The following FAT1 variants were observed in gnomAD, a reference collection of about 807,000 sequenced individuals.
The protein encoded by FAT1 is FAT atypical cadherin 1, also known as protocadherin Fat 1.
FAT1 carries 171 observed loss-of-function variants against 329.8 expected under a neutral mutation model. That is an observed-to-expected ratio of 0.52 (90% confidence interval 0.46 to 0.59). The LOEUF (loss-of-function observed/expected upper bound fraction) is 0.59. FAT1 is among the 20% of genes least tolerant of loss of function. The pLI is 0.00. For missense variants in FAT1, 5,672 were observed against 5,774.4 expected (o/e 0.98, Z 0.57); for synonymous variants, 2,233 against 2,228.6 (o/e 1.00, Z -0.06).
intron 12 of FAT1, among the ~76,000 whole-genome samples, chr4:186,613,728 C>T (rs1739575203): frequency 6.6e-6 from 1 of 151,994 alleles, no homozygotes; most frequent in Non-Finnish European, 1.5e-5. Flanking sequence ...TTAGTTGATC[C>T]CAATTTTACC....
chr4:186,636,137 T>C lies in FAT1; in HGVS notation c.4071A>G (p.Ser1357=), dbSNP rs774469928. 6.2e-7 allele frequency: 1 copy of C among 1,613,986 alleles called. No individual in the cohort carries two copies. Among genetic ancestry groups the C allele is most frequent in the East Asian group, 2.2e-5 (1 of 44,876 alleles). Residue 1357 remains serine, a synonymous_variant, in exon 6 of 27, where the codon TCA becomes TCG. Coordinates refer to ENST00000441802, the MANE Select transcript of FAT1 (RefSeq NM_005245.4). ...TAAAGGTAAAAAATGATTCTTCAAA[T>C]GAAATGGGCTCCAGGGACGGTTTGG... ...SKPKPSLEPI[S]FEESFFTFTV...
chr4:186,726,394 G>C (rs1451869967), upstream of FAT1: 3 of 152,250 alleles, frequency 2.0e-5, no homozygotes, highest in Admixed American at 1.3e-4. Flanking sequence ...TAAAGTCCTC[G>C]GCAGCTCCGT....
rs1738887846 is a variant in FAT1 at position 186,602,978 on chromosome 4, A to C, written c.11407T>G (p.Ser3803Ala). ...TCCCAGGGATCAGACACACATTCGGATCCCTCAGGGCACGGATCATCTTCA... is the reference window on the plus strand; with the variant it reads ...TCCCAGGGATCAGACACACATTCGGCTCCCTCAGGGCACGGATCATCTTCA... ...GCEDDPCPEG[S>A]ECVSDPWEEK... Residue 3803 changes from serine (S) to alanine (A), a missense_variant, in exon 20 of 27, where the codon TCC (serine) becomes GCC (alanine). By Grantham distance (99) the Ser-to-Ala change is moderately conservative (BLOSUM62 1). Transcript: ENST00000441802. The C allele has an allele frequency of 6.2e-7, 1 of 1,613,954 alleles. No homozygotes were observed. Among genetic ancestry groups the C allele is most frequent in the Non-Finnish European group, 8.5e-7 (1 of 1,179,878 alleles).
At position 186,707,965 on chromosome 4, in the gene FAT1, C is replaced by T. The variant is rs551785621; in HGVS notation, c.1863G>A (p.Ser621=). The T allele has an allele frequency of 1.5e-5, 24 of 1,613,914 alleles. No individual in the cohort carries two copies. The highest frequency in any genetic ancestry group is 2.2e-5 in the East Asian group (1 of 44,856). ...ELDFFSLNPN[S]GVLSLKRSLM... is the part of the protein sequence containing the mutation. ...GCGATCGCTTTAATGACAATACCCCCGAGTTGGGGTTTAAACTAAAGAAAT... is the reference window on the plus strand; with the variant it reads ...GCGATCGCTTTAATGACAATACCCCTGAGTTGGGGTTTAAACTAAAGAAAT... Residue 621 remains serine, a synonymous_variant, in exon 2 of 27, where the codon TCG becomes TCA. Coordinates refer to ENST00000441802, the MANE Select transcript of FAT1 (RefSeq NM_005245.4).
intron 15 of FAT1, among the ~76,000 whole-genome samples, 151 bp from the exon 16 acceptor site, chr4:186,609,471 C>T (rs1739295893): frequency 6.6e-6 from 1 of 152,000 alleles, no homozygotes; most frequent in Admixed American, 6.6e-5. Context: ...GGCTGGAGTG[C>T]AGTGGCACAA....
At chr4:186,598,207 T>G in intron 22 of FAT1, 82 bp from the exon 23 acceptor site, 1 of 1,305,696 alleles carries the variant, frequency 7.7e-7, no homozygotes, top group Non-Finnish European at 1.0e-6. Context: ...TTTTTATCTT[T>G]ATTCTCCGAG....
At chr4:186,638,019 CTA>C (rs1457541949) in intron 4 of FAT1, among the ~76,000 whole-genome samples, 1 of 152,188 alleles carries the variant, frequency 6.6e-6, no homozygotes, top group African/African-American at 2.4e-5. Flanking sequence ...CAAGCAAGCA[CTA>C]TGTTTTTTAG....
At position 186,709,600 on chromosome 4, in the gene FAT1, G is replaced by A. The variant is rs574717722; in HGVS notation, c.228C>T (p.Ser76=). The part of the protein sequence containing the change: ...PAWEVRYKIV[S]GDSENLFKAE... ...CTTTGAACAGGTTTTCACTGTCTCCGGAAACAATTTTGTACCTTACTTCCC... is the reference window on the plus strand; with the variant it reads ...CTTTGAACAGGTTTTCACTGTCTCCAGAAACAATTTTGTACCTTACTTCCC... Residue 76 remains serine, a synonymous_variant, in exon 2 of 27, where the codon TCC becomes TCT. Coordinates refer to ENST00000441802, the MANE Select transcript of FAT1 (RefSeq NM_005245.4). 1.4e-5 allele frequency: 22 copies of A among 1,613,880 alleles called. No homozygotes were observed. The highest frequency in any genetic ancestry group is 4.0e-5 in the African/African-American group (3 of 75,006).
At position 186,707,961 on chromosome 4, in the gene FAT1, C is replaced by A. The variant is rs767231814; in HGVS notation, c.1867G>T (p.Val623Leu). Residue 623 changes from valine (V) to leucine (L), a missense_variant, in exon 2 of 27, where the codon GTA becomes TTA. Around this residue, in one of 2 missense-constraint regions of FAT1, gnomAD observed 3,966 missense variants for 3,915.2 expected, o/e 1.01. Transcript: ENST00000441802. ...ATTAGCGATCGCTTTAATGACAATA[C>A]CCCCGAGTTGGGGTTTAAACTAAAG... ...DFFSLNPNSG[V>L]LSLKRSLMDG... The A allele has an allele frequency of 6.2e-7, 1 of 1,613,884 alleles. No individual in the cohort carries two copies. The highest frequency in any genetic ancestry group is 8.5e-7 in the Non-Finnish European group (1 of 1,179,886).
At position 186,708,357 on chromosome 4, in the gene FAT1, C is replaced by A. The variant is rs755751300; in HGVS notation, c.1471G>T (p.Asp491Tyr). 6.2e-7 allele frequency: 1 copy of A among 1,613,916 alleles called. No homozygotes were observed. The highest frequency in any genetic ancestry group is 8.5e-7 in the Non-Finnish European group (1 of 1,179,838). The change falls in exon 2 of 27, where the codon GAT becomes TAT. Residue 491 changes from aspartate to tyrosine, a missense_variant. Asp to Tyr is a radical substitution (Grantham distance 160). Coordinates refer to ENST00000441802, the MANE Select transcript of FAT1 (RefSeq NM_005245.4). ...TVMSLSAVDP[D>Y]EGENGYVTYS... is the part of the protein sequence containing the mutation. ...GTCACGTACCCGTTCTCACCCTCAT[C>A]AGGGTCTACGGCACTCAGGCTCATG... is the stretch of plus-strand genomic sequence containing the variant.
chr4:186,611,560 G>T lies in FAT1; in HGVS notation c.9679C>A (p.Pro3227Thr), dbSNP rs761484996. 2 of 1,613,720 alleles carry T rather than the reference G, an allele frequency of 1.2e-6. No homozygotes were observed. Among genetic ancestry groups the T allele is most frequent in the Non-Finnish European group, 8.5e-7 (1 of 1,179,844 alleles). Residue 3227 changes from proline (P) to threonine (T), a missense_variant, in exon 14 of 27, where the codon CCC becomes ACC. Transcript: ENST00000441802. ...TATTCACGGTACTCAAACACAGGGG[G>T]GTTGTCATTTATGTCAAGAACTGAT... ...IVSVLDINDN[P>T]PVFEYREYGA...
intron 24 of FAT1, 68 bp downstream of exon 24, chr4:186,597,614 G>C: frequency 9.3e-7 from 1 of 1,074,818 alleles, no homozygotes; most frequent in Non-Finnish European, 1.4e-6. Context: ...CTGAAGGTCT[G>C]TTGCATCTGC....
rs937758046 is a variant in FAT1, at chr4:186,706,854, C to G, written c.2974G>C (p.Glu992Gln). Residue 992 changes from glutamate to glutamine, a missense_variant, in exon 2 of 27, where the codon GAG (glutamate) becomes CAG (glutamine). Glu to Gln is a conservative substitution (Grantham distance 29). Around this residue, in one of 2 missense-constraint regions of FAT1, gnomAD observed 3,966 missense variants for 3,915.2 expected, o/e 1.01. Transcript: ENST00000441802. The stretch of plus-strand genomic sequence containing the variant: ...GTGAGATTATACACTTGCTTCTTCT[C>G]AAAGTCCAACTGCTGGACGATCCTA... ...AVRIVQQLDF[E>Q]KKQVYNLTVR... 6.2e-7 allele frequency: 1 copy of G among 1,613,978 alleles called. No homozygotes were observed. Among genetic ancestry groups the G allele is most frequent in the African/African-American group, 1.3e-5 (1 of 75,042 alleles).
rs933475016 is a variant in FAT1 at position 186,596,559 on chromosome 4, G to A, written c.12981C>T (p.Ser4327=). The A allele has an allele frequency of 1.9e-6, 3 of 1,612,934 alleles. No individual in the cohort carries two copies. In the East Asian group the frequency reaches 6.7e-5, roughly 36 times the overall value. The change falls in exon 25 of 27, where the codon AGC becomes AGT. Residue 4327 remains serine, a synonymous_variant. Coordinates refer to ENST00000441802, the MANE Select transcript of FAT1 (RefSeq NM_005245.4). This position sits in a 1 kb window ranked among gnomAD's most constrained non-coding sequence, Gnocchi z 4.7. The part of the protein sequence containing the change: ...PSDSDSIQKP[S]WDFDYDTKVV... Reference sequence around the variant, plus strand: ...TCTTACTGTCATAGTCAAAGTCCCAGCTAGGCTTCTGGATGGAGTCGCTGT... The same window carrying A: ...TCTTACTGTCATAGTCAAAGTCCCAACTAGGCTTCTGGATGGAGTCGCTGT...
intron 2 of FAT1, among the ~76,000 whole-genome samples, chr4:186,681,281 G>T (rs1052927537): frequency 1.3e-5 from 2 of 152,106 alleles, no homozygotes; most frequent in Admixed American, 1.3e-4. Context: ...TTATTTAAAA[G>T]TGGGAGATAT....
At chr4:186,643,408 T>G (rs1431177116) in intron 3 of FAT1, among the ~76,000 whole-genome samples, 1 of 152,124 alleles carries the variant, frequency 6.6e-6, no homozygotes. Flanking sequence ...TCACAACACT[T>G]AGCAAAAAGA....
rs148357810 is a variant in FAT1 at position 186,609,485 on chromosome 4, C to T, written c.10069-165G>A. On this transcript the variant is annotated intron_variant, in intron 15 of 26. Coordinates refer to ENST00000441802, the MANE Select transcript of FAT1 (RefSeq NM_005245.4). ...AGGCTGGAGTGCAGTGGCACAATCT[C>T]GGCTCACTGCAAGCTCCGCCTCCTG... Among the ~76,000 whole-genome samples the T allele has an allele frequency of 8.5e-3, 1,292 of 152,118 alleles. 20 individuals are homozygous for T. Among genetic ancestry groups the T allele is most frequent in the African/African-American group, 0.03 (1,247 of 41,492 alleles).
chr4:186,613,791 C>A (rs1739577130), intron 12 of FAT1, among the ~76,000 whole-genome samples: 1 of 152,090 alleles, frequency 6.6e-6, no homozygotes, highest in Admixed American at 6.5e-5. Flanking sequence ...TCCCATAAAT[C>A]ATTTTGTTTA....
chr4:186,616,907 C>T, intron 11 of FAT1, 98 bp downstream of exon 11: 1 of 1,074,386 alleles, frequency 9.3e-7, no homozygotes, highest in Non-Finnish European at 1.4e-6. Context: ...GATCATAAAA[C>T]ACATGTGAAT....
Sources: gnomAD v4.1 joint callset for allele counts (sites outside exome capture counted in the v4.1 genomes callset) on GRCh38, gnomAD v4.1.1 for gene constraint, gnomAD v4.1.1 regional missense constraint, Gnocchi (gnomAD v3.1) non-coding constraint, MANE v1.5 for transcripts, NCBI Gene and HGNC (gene_info 2026-07-23, HGNC 2026-07-21) for gene names.